The following PCDHA5 variants were observed in gnomAD, a reference collection of about 807,000 sequenced individuals.
PCDHA5 encodes protocadherin alpha-5.
PCDHA5 carries 43 observed loss-of-function variants against 61.6 expected under a neutral mutation model. The ratio of observed to expected loss-of-function variants is 0.70; its 90% CI spans 0.55 to 0.90. PCDHA5 has a LOEUF of 0.90. Among genes scored for constraint, PCDHA5 ranks in the 40% least tolerant of loss-of-function variants. The pLI, the probability that PCDHA5 is intolerant of heterozygous loss-of-function variation, is 0.00. For missense variants in PCDHA5, 1,298 were observed against 1,222.7 expected, an observed-to-expected ratio of 1.06 and a Z score of -0.92; for synonymous variants, 627 against 543.9, an observed-to-expected ratio of 1.15 and a Z score of -2.13.
chr5:140,977,899 C>A (rs1193855952), intron 1 of PCDHA5, among the ~76,000 whole-genome samples: 1 of 152,124 alleles, frequency 6.6e-6, no homozygotes, highest in East Asian at 1.9e-4. Context: ...CAAAATACAA[C>A]TTTTATCCCC....
chr5:140,842,491 GCCCCATGT>G (rs1428836968), intron 1 of PCDHA5: 1 of 1,613,778 alleles, frequency 6.2e-7, no homozygotes, highest in African/African-American at 1.3e-5. Context: ...GCTCCCTGAT[GCCCCATGT>G]CCCCTTCAAG....
At chr5:140,881,940 G>A (rs1273995753) in intron 1 of PCDHA5, 1 of 295,968 alleles carries the variant, frequency 3.4e-6, no homozygotes, top group Non-Finnish European at 6.2e-6. Flanking sequence ...TGCTGTTTCT[G>A]GGAAGGTAAA....
intron 1 of PCDHA5, among the ~76,000 whole-genome samples, chr5:140,898,461 G>T (rs1393934497): frequency 4.6e-5 from 7 of 152,102 alleles, no homozygotes; most frequent in Non-Finnish European, 8.8e-5. Flanking sequence ...TTTCCCCATT[G>T]CTTGTTTTTC....
intron 1 of PCDHA5, among the ~76,000 whole-genome samples, chr5:140,963,787 A>G (rs155812): frequency 0.31 from 47,834 of 152,128 alleles, 7,882 homozygotes; most frequent in East Asian, 0.53. Context: ...AACAACAACA[A>G]TAATGTACTT....
chr5:140,877,743 G>C, intron 1 of PCDHA5: 1 of 1,614,148 alleles, frequency 6.2e-7, no homozygotes, highest in Non-Finnish European at 8.5e-7. Flanking sequence ...GGAGGCAGAG[G>C]GTGTGCTCTG....
At chr5:141,004,597 C>CTTAG (rs1554259623) in intron 3 of PCDHA5, among the ~76,000 whole-genome samples, 1 of 152,218 alleles carries the variant, frequency 6.6e-6, no homozygotes, top group African/African-American at 2.4e-5. Flanking sequence ...GATGACAGTG[C>CTTAG]TTAGGCCTCA....
At chr5:140,851,728 C>A in intron 1 of PCDHA5, 1 of 969,738 alleles carries the variant, frequency 1.0e-6, no homozygotes, top group Non-Finnish European at 1.2e-6. Context: ...ACTTCGAGTT[C>A]TTTTGAAATT....
At chr5:140,836,309 AC>A (rs2150257365) in intron 1 of PCDHA5, 1 of 1,613,652 alleles carries the variant, frequency 6.2e-7, no homozygotes, top group East Asian at 2.2e-5. Context: ...AGACGGACGC[AC>A]CGCGCCACCG....
At chr5:140,968,995 A>G in intron 1 of PCDHA5, 2 of 1,614,200 alleles carry the variant, frequency 1.2e-6, no homozygotes, top group Non-Finnish European at 1.7e-6. Flanking sequence ...CATGCTGTGG[A>G]GGCTTCTGTG....
At chr5:140,840,489 C>T (rs2150307286) in intron 1 of PCDHA5, among the ~76,000 whole-genome samples, 6 of 151,924 alleles carry the variant, frequency 3.9e-5, no homozygotes, top group Non-Finnish European at 5.9e-5. Flanking sequence ...AGGCATAATT[C>T]TGGTAAATAC....
intron 1 of PCDHA5, among the ~76,000 whole-genome samples, chr5:140,871,854 A>C (rs1271399215): frequency 6.6e-6 from 1 of 152,254 alleles, no homozygotes; most frequent in African/African-American, 2.4e-5. Context: ...TATGACCATA[A>C]TAACTATGGA....
chr5:140,877,668 C>T, intron 1 of PCDHA5: 1 of 1,613,568 alleles, frequency 6.2e-7, no homozygotes, highest in Non-Finnish European at 8.5e-7. Context: ...TGAGCCGGTG[C>T]GCGCCGGGCA....
At chr5:140,870,452 A>G in intron 1 of PCDHA5, 1 of 1,614,168 alleles carries the variant, frequency 6.2e-7, no homozygotes, top group Non-Finnish European at 8.5e-7. Context: ...GTGAACGACA[A>G]TGCGCCTGCG....
chr5:140,946,611 AATATAT>A (rs1554217734), intron 1 of PCDHA5, among the ~76,000 whole-genome samples: 5 of 86,812 alleles, frequency 5.8e-5, no homozygotes, highest in African/African-American at 2.5e-4. Context: ...GAAAATGTGA[AATATAT>A]ATATATATAT....
At chr5:140,877,511 C>G in intron 1 of PCDHA5, 1 of 1,613,808 alleles carries the variant, frequency 6.2e-7, no homozygotes, top group South Asian at 1.1e-5. Context: ...AAGACGTCGT[C>G]GCGGGCCTCA....
intron 1 of PCDHA5, among the ~76,000 whole-genome samples, chr5:140,963,199 A>G (rs955651383): frequency 6.6e-6 from 1 of 152,092 alleles, no homozygotes; most frequent in Non-Finnish European, 1.5e-5. Flanking sequence ...TGAAAATGAA[A>G]AAAAAAACCT....
intron 2 of PCDHA5, 58 bp from the exon 3 acceptor site, chr5:140,982,417 G>T: frequency 1.2e-6 from 2 of 1,610,546 alleles, no homozygotes; most frequent in Non-Finnish European, 1.7e-6. Flanking sequence ...GAGGGTGGAA[G>T]AAGAGATGGG....
rs557901977 is a variant in PCDHA5 at position 140,876,312 on chromosome 5, G to A, written c.2352+52185G>A. 4.3e-6 allele frequency: 7 copies of A among 1,614,036 alleles called. No individual in the cohort carries two copies. In the East Asian group the frequency reaches 1.6e-4, roughly 36 times the overall value. On this transcript the variant is annotated intron_variant, in intron 1 of 3. Coordinates refer to ENST00000529859, the MANE Select transcript of PCDHA5 (RefSeq NM_018908.3). ...GACTTAATGGAGAAATTTCCTATGG[G>A]ATCAAAATGATTTTGCCAGTGAGTG...
Position 140,822,718 on chromosome 5 carries a change from T to C in PCDHA5, c.943T>C (p.Tyr315His). Residue 315 changes from tyrosine to histidine, a missense_variant, in exon 1 of 4, where the codon TAT becomes CAT. Physicochemically the swap from Tyr to His is moderately conservative, Grantham distance 83. Transcript: ENST00000529859. ...GELDYEDYNSYEINIDAMDKS... is the reference protein window; with the variant it reads ...GELDYEDYNSHEINIDAMDKS... ...ACTGGATTATGAAGACTATAACTCA[T>C]ATGAAATTAATATTGATGCCATGGA... 6.2e-7 allele frequency: 1 copy of C among 1,611,984 alleles called. No homozygotes were observed. Among genetic ancestry groups the C allele is most frequent in the South Asian group, 1.1e-5 (1 of 91,040 alleles).
Sources: allele counts gnomAD v4.1 joint callset (sites outside exome capture counted in the v4.1 genomes callset), GRCh38; gene constraint gnomAD v4.1.1; transcripts MANE v1.5; gene names NCBI Gene and HGNC (gene_info 2026-07-23, HGNC 2026-07-21).